NFIA: variants seen among roughly 807,000 people sequenced by gnomAD.
NFIA encodes the protein nuclear factor 1 A-type.
NFIA carries 8 observed loss-of-function variants against 62.8 expected under a neutral mutation model. That is an observed-to-expected ratio of 0.13 (90% CI 0.07 to 0.23). NFIA has a LOEUF of 0.23. Ranked by LOEUF, NFIA falls within the 10% of genes least tolerant of loss-of-function variation. The probability of loss-of-function intolerance (pLI) is 1.00; values close to 1 mark genes in which losing one functional copy is unlikely to be tolerated. For missense variants in NFIA, 410 were observed against 642.1 expected (o/e 0.64, Z 3.91); for synonymous variants, 235 against 238.1 (o/e 0.99, Z 0.12).
At chr1:61,139,819 AT>A (rs1345777210) in intron 2 of NFIA, among the ~76,000 whole-genome samples, 1 of 131,862 alleles carries the variant, frequency 7.6e-6, no homozygotes, top group African/African-American at 3.0e-5. Context: ...GGCTAAGCAT[AT>A]TTTTCCTGCC....
intron 2 of NFIA, among the ~76,000 whole-genome samples, chr1:61,208,000 T>C (rs1184345656): frequency 1.4e-5 from 2 of 144,902 alleles, no homozygotes; most frequent in Non-Finnish European, 3.0e-5. Flanking sequence ...TTTTTTTTGA[T>C]GCAGCTCTTC....
At chr1:61,277,638 C>A in intron 3 of NFIA, 53 bp downstream of exon 3, 1 of 1,580,370 alleles carries the variant, frequency 6.3e-7, no homozygotes, top group Non-Finnish European at 8.7e-7. Context: ...CAGCAGCCAG[C>A]AGGCCGACTA....
chr1:61,395,820 A>T (rs576561711), intron 7 of NFIA, among the ~76,000 whole-genome samples: 1 of 152,330 alleles, frequency 6.6e-6, no homozygotes, highest in South Asian at 2.1e-4. Flanking sequence ...AGGTTTTTTT[A>T]AACTCTAAAT....
rs909639334 is a variant in NFIA, at chr1:61,378,796, C to T, written c.947-4441C>T. Among the ~76,000 whole-genome samples the T allele has an allele frequency of 5.3e-5, 8 of 152,182 alleles. 2 individuals carry two copies. The East Asian group carries it at 1.2e-3, about 22-fold the overall frequency. On this transcript the variant is annotated intron_variant, in intron 6 of 10. Transcript: ENST00000403491. Reference sequence around the variant, plus strand: ...AATTCAGTTGCTTGTGGATGTGGGACTAAGGTCCCTGCTTTCTGAAAGCTG... The same window carrying T: ...AATTCAGTTGCTTGTGGATGTGGGATTAAGGTCCCTGCTTTCTGAAAGCTG...
intron 2 of NFIA, among the ~76,000 whole-genome samples, chr1:61,235,427 C>A (rs931150757): frequency 6.0e-5 from 9 of 151,118 alleles, no homozygotes; most frequent in Admixed American, 2.6e-4. Context: ...GGCGCCACTG[C>A]ACTCCAGCCT....
chr1:61,389,235 A>G (rs937754700), intron 7 of NFIA, among the ~76,000 whole-genome samples: 4 of 152,192 alleles, frequency 2.6e-5, no homozygotes, highest in Non-Finnish European at 2.9e-5. Context: ...AGGTCACAGC[A>G]TGGGCGCTGC....
intron 2 of NFIA, among the ~76,000 whole-genome samples, chr1:61,210,406 C>A (rs1345320025): frequency 2.6e-5 from 4 of 151,998 alleles, no homozygotes; most frequent in African/African-American, 9.7e-5. Flanking sequence ...GTACTTTTTT[C>A]CCCCAGAACA....
intron 4 of NFIA, among the ~76,000 whole-genome samples, chr1:61,341,569 C>G (rs1178929039): frequency 1.3e-5 from 2 of 151,640 alleles, no homozygotes; most frequent in Admixed American, 1.3e-4. Context: ...ACTCCACCTC[C>G]CAGGCCCCAG....
At chr1:61,395,669 C>G (rs549915015) in intron 7 of NFIA, among the ~76,000 whole-genome samples, 5 of 152,098 alleles carry the variant, frequency 3.3e-5, no homozygotes, top group Admixed American at 2.6e-4. Context: ...ACAGCTGTTG[C>G]GTGGCGTTTG....
intron 2 of NFIA, among the ~76,000 whole-genome samples, chr1:61,154,284 T>C (rs1055258592): frequency 1.2e-4 from 18 of 152,036 alleles, no homozygotes; most frequent in African/African-American, 4.3e-4. Context: ...GCCTTCCGAG[T>C]AGCTGAGATT....
intron 2 of NFIA, among the ~76,000 whole-genome samples, chr1:61,179,417 T>A (rs1473540464): frequency 6.6e-6 from 1 of 152,198 alleles, no homozygotes; most frequent in Non-Finnish European, 1.5e-5. Flanking sequence ...GGCAAGTCAA[T>A]TTGTTCGAGT....
intron 3 of NFIA, among the ~76,000 whole-genome samples, chr1:61,299,022 G>A (rs1382129915): frequency 6.6e-6 from 1 of 152,078 alleles, no homozygotes; most frequent in Non-Finnish European, 1.5e-5. Context: ...CTTATGAAAT[G>A]TACTTTCATG....
chr1:61,330,443 C>CACACACA (rs1553173862), intron 3 of NFIA, among the ~76,000 whole-genome samples: 1 of 90,620 alleles, frequency 1.1e-5, no homozygotes, highest in African/African-American at 3.2e-5. Context: ...TACACCCCCC[C>CACACACA]CACACACACA....
intron 2 of NFIA, among the ~76,000 whole-genome samples, chr1:61,123,370 A>G (rs1001431419): frequency 9.2e-5 from 14 of 152,186 alleles, no homozygotes; most frequent in Non-Finnish European, 1.6e-4. Flanking sequence ...TTGTATTGAA[A>G]TTGTAGATTT....
intron 2 of NFIA, among the ~76,000 whole-genome samples, chr1:61,096,547 CTTTTT>C (rs369305204): frequency 1.4e-3 from 111 of 80,590 alleles, no homozygotes; most frequent in African/African-American, 5.6e-3. Flanking sequence ...AAGATTAGTT[CTTTTT>C]TTTTTTTTTT....
intron 3 of NFIA, among the ~76,000 whole-genome samples, chr1:61,290,661 G>C (rs1027804883): frequency 6.6e-6 from 1 of 152,220 alleles, no homozygotes; most frequent in African/African-American, 2.4e-5. Flanking sequence ...TGTTGTCCGA[G>C]CTTGAGCCAG....
intron 2 of NFIA, among the ~76,000 whole-genome samples, chr1:61,209,667 T>TACAACA (rs71756240): frequency 0.01 from 1,489 of 147,982 alleles, 13 homozygotes; most frequent in African/African-American, 0.017. Flanking sequence ...CTATGAAAAA[T>TACAACA]ACAACAACAA....
chr1:61,130,049 T>A lies in NFIA; in HGVS notation c.559+41369T>A, dbSNP rs200227968. On this transcript the variant is annotated intron_variant, in intron 2 of 10. Coordinates refer to ENST00000403491, the MANE Select transcript of NFIA (RefSeq NM_001134673.4). ...GAAGACCCTTCTTTGGTTTCTTTTT[T>A]TCCAGATAGCTAAAGTCAATGTCAG... Among the ~76,000 whole-genome samples the A allele has an allele frequency of 7.2e-5, 11 of 152,246 alleles. No individual in the cohort carries two copies. The East Asian group carries it at 1.9e-3, about 27-fold the overall frequency.
chr1:61,381,565 T>G (rs1664415344), intron 6 of NFIA, among the ~76,000 whole-genome samples: 1 of 152,202 alleles, frequency 6.6e-6, no homozygotes, highest in Admixed American at 6.5e-5. Context: ...CACATACCAC[T>G]CTATGTTGTA....
Sources: gnomAD v4.1 joint callset for allele counts (sites outside exome capture counted in the v4.1 genomes callset) on GRCh38, gnomAD v4.1.1 for gene constraint, MANE v1.5 for transcripts, NCBI Gene and HGNC (gene_info 2026-07-23, HGNC 2026-07-21) for gene names.